COL24A1: variants seen among roughly 807,000 people sequenced by gnomAD.
COL24A1 encodes the protein collagen alpha-1(XXIV) chain.
Under a neutral mutation model 253.9 loss-of-function variants are expected in COL24A1, and 224 were observed. The observed-to-expected ratio is 0.88, with a 90% CI of 0.79 to 0.99. The LOEUF (loss-of-function observed/expected upper bound fraction) is 0.99. Ranked by LOEUF, COL24A1 falls within the 50% of genes least tolerant of loss-of-function variation. The pLI, the probability that COL24A1 is intolerant of heterozygous loss-of-function variation, is 0.00. For missense variants in COL24A1, 2,131 were observed against 2,068.5 expected, an observed-to-expected ratio of 1.03 and a Z score of -0.59; for synonymous variants, 685 against 673.7, an observed-to-expected ratio of 1.02 and a Z score of -0.26.
At chr1:85,947,215 A>T (rs143923076) in intron 24 of COL24A1, among the ~76,000 whole-genome samples, 2 of 152,224 alleles carry the variant, frequency 1.3e-5, no homozygotes, top group African/African-American at 4.8e-5. Context: ...TGACAAATAC[A>T]TGTAGAACTC....
chr1:86,132,076 GT>G (rs1395271785), intron 2 of COL24A1, among the ~76,000 whole-genome samples: 2 of 152,082 alleles, frequency 1.3e-5, no homozygotes, highest in African/African-American at 4.8e-5. Flanking sequence ...GTGAGATGGT[GT>G]TTCACTGTGA....
At chr1:85,831,345 C>T (rs573994684) in intron 43 of COL24A1, among the ~76,000 whole-genome samples, 14 of 152,128 alleles carry the variant, frequency 9.2e-5, no homozygotes, top group African/African-American at 3.4e-4. Flanking sequence ...AACCATCATG[C>T]CCAATTATGG....
chr1:85,770,651 A>T (rs538560732), intron 53 of COL24A1, among the ~76,000 whole-genome samples: 1 of 152,324 alleles, frequency 6.6e-6, no homozygotes, highest in South Asian at 2.1e-4. Flanking sequence ...CATCATGTTA[A>T]ATCTATACAA....
At chr1:85,786,243 C>A in intron 48 of COL24A1, 111 bp downstream of exon 48, 1 of 951,576 alleles carries the variant, frequency 1.1e-6, no homozygotes, top group Non-Finnish European at 1.5e-6. Flanking sequence ...TACTATTAGC[C>A]AAATTCTATT....
chr1:85,781,247 T>A lies in COL24A1; in HGVS notation c.4311A>T (p.Glu1437Asp), dbSNP rs549425722. Residue 1437 changes from glutamate to aspartate, a missense_variant, in exon 52 of 60, where the codon GAA becomes GAT. Transcript: ENST00000370571. ...HRGNTGPLGR[E>D]GIIGPTGRTG... is the part of the protein sequence containing the mutation. ...TTCTACCTGTTGGGCCTATTATACC[T>A]TCTCTGCCAAGGGGACCAGTGTTTC... The A allele has an allele frequency of 1.2e-6, 2 of 1,608,036 alleles. No individual in the cohort carries two copies. Among genetic ancestry groups the A allele is most frequent in the South Asian group, 2.2e-5 (2 of 89,936 alleles).
At chr1:85,885,657 G>C (rs1406571573) in intron 32 of COL24A1, among the ~76,000 whole-genome samples, 1 of 152,160 alleles carries the variant, frequency 6.6e-6, no homozygotes, top group Non-Finnish European at 1.5e-5. Context: ...TATTCAGGGA[G>C]ATAAAGGAAG....
chr1:86,146,608 G>A (rs777362641), intron 1 of COL24A1, among the ~76,000 whole-genome samples: 10 of 151,478 alleles, frequency 6.6e-5, no homozygotes, highest in Non-Finnish European at 1.3e-4. Context: ...CAAAAATAAC[G>A]CAAATTACAG....
chr1:85,880,999 T>A (rs1326799965), intron 32 of COL24A1, among the ~76,000 whole-genome samples: 1 of 152,226 alleles, frequency 6.6e-6, no homozygotes, highest in East Asian at 1.9e-4. Context: ...GATGTGTTTG[T>A]CTGGTTTTGT....
chr1:85,804,966 T>C (rs74514926), intron 47 of COL24A1, among the ~76,000 whole-genome samples: 1 of 152,052 alleles, frequency 6.6e-6, no homozygotes, highest in Admixed American at 6.6e-5. Flanking sequence ...ACTTCTTCAA[T>C]CTCTTGAGTA....
intron 19 of COL24A1, among the ~76,000 whole-genome samples, chr1:86,009,906 A>T (rs138502926): frequency 1.2e-4 from 19 of 152,322 alleles, no homozygotes. Context: ...CAATGCATGC[A>T]GTGTGTGACT....
intron 35 of COL24A1, among the ~76,000 whole-genome samples, chr1:85,871,012 GGTTATCACCACCGATCCCACAGA>G (rs1459066971): frequency 1.3e-5 from 2 of 151,836 alleles, no homozygotes; most frequent in Non-Finnish European, 2.9e-5. Flanking sequence ...ATGATAAAGG[GGTTATCACCACCGATCCCACAGA>G]AATACAAACT....
Position 85,784,315 on chromosome 1 carries a change from G to A in COL24A1, c.4111C>T (p.Arg1371Ter), listed in dbSNP as rs182355949. 6.8e-6 allele frequency: 11 copies of A among 1,613,976 alleles called. No individual in the cohort carries two copies. The highest frequency in any genetic ancestry group is 9.3e-6 in the Non-Finnish European group (11 of 1,179,962). The change falls in exon 49 of 60, where the codon CGA becomes TGA. Residue 1371 changes from arginine to a stop codon, truncating the protein, a stop_gained. Transcript: ENST00000370571. LOFTEE classifies it high-confidence loss of function. ...GGTCCTTGATCACCTTGTGCTCCTC[G>A]GTGACCTCTTTTACCTTGAATTCCA... ...QPGIQGKRGH[R>*]GAQGDQGPCG...
In COL24A1 at chr1:85,875,333, A is replaced by C; in HGVS notation, c.3031-3T>G. Reference sequence around the variant, plus strand: ...TCTCCCTCAGTGCCTGGAGGTCCCTACAAGAGAATAATTTAACACATTACA... The same window carrying C: ...TCTCCCTCAGTGCCTGGAGGTCCCTCCAAGAGAATAATTTAACACATTACA... On this transcript the variant is annotated splice_region_variant and splice_polypyrimidine_tract_variant and intron_variant, in intron 33 of 59. Coordinates refer to ENST00000370571, the MANE Select transcript of COL24A1 (RefSeq NM_152890.7). 1.2e-6 allele frequency: 2 copies of C among 1,613,056 alleles called. No individual in the cohort carries two copies. The highest frequency in any genetic ancestry group is 1.7e-6 in the Non-Finnish European group (2 of 1,179,096).
chr1:85,970,115 G>A, intron 22 of COL24A1, 112 bp downstream of exon 22: 2 of 961,450 alleles, frequency 2.1e-6, no homozygotes, highest in African/African-American at 1.7e-5. Context: ...ACTTTAATTT[G>A]TTTTCATTTT....
At chr1:85,862,232 C>T (rs1000498343) in intron 37 of COL24A1, among the ~76,000 whole-genome samples, 1 of 152,144 alleles carries the variant, frequency 6.6e-6, no homozygotes, top group Non-Finnish European at 1.5e-5. Flanking sequence ...ACTTGGTAGT[C>T]TTGTTCCCCA....
chr1:85,922,522 C>A (rs543023452), intron 24 of COL24A1, among the ~76,000 whole-genome samples: 1 of 152,180 alleles, frequency 6.6e-6, no homozygotes, highest in African/African-American at 2.4e-5. Context: ...ATTCAACATT[C>A]TTAAAGAAAA....
Position 85,895,308 on chromosome 1 carries a change from T to C in COL24A1, c.2922+550A>G, listed in dbSNP as rs951595511. Among the ~76,000 whole-genome samples, 4 of 152,188 alleles carry C rather than the reference T, an allele frequency of 2.6e-5. No individual in the cohort carries two copies. The South Asian group carries it at 6.2e-4, about 24-fold the overall frequency. ...TATTAACAACTCTTAAGCAGTGCCA[T>C]GGGAAGGCATGAAGACACACACAGC... is the stretch of plus-strand genomic sequence containing the variant. On this transcript the variant is annotated intron_variant, in intron 31 of 59. Transcript: ENST00000370571.
At chr1:86,132,731 G>A (rs1415688161) in intron 2 of COL24A1, among the ~76,000 whole-genome samples, 1 of 152,144 alleles carries the variant, frequency 6.6e-6, no homozygotes, top group African/African-American at 2.4e-5. Flanking sequence ...CTATATCTCT[G>A]TTTTGGTACC....
chr1:85,813,795 C>T (rs1672812079), intron 47 of COL24A1, among the ~76,000 whole-genome samples: 1 of 151,966 alleles, frequency 6.6e-6, no homozygotes, highest in African/African-American at 2.4e-5. Context: ...TCGTGATCCG[C>T]CCGCCTCGGC....
Sources: allele counts gnomAD v4.1 joint callset (sites outside exome capture counted in the v4.1 genomes callset), GRCh38; gene constraint gnomAD v4.1.1; transcripts MANE v1.5; gene names NCBI Gene and HGNC (gene_info 2026-07-23, HGNC 2026-07-21).